The following CRYL1 variants were observed in gnomAD, a reference collection of about 807,000 sequenced individuals.
CRYL1 encodes crystallin lambda 1, also known as lambda-crystallin homolog.
Under a neutral mutation model 36.6 loss-of-function variants are expected in CRYL1, and 29 were observed. The observed-to-expected ratio is 0.79, with a 90% CI of 0.59 to 1.08. The LOEUF is 1.08. CRYL1 is among the 50% of genes least tolerant of loss of function. CRYL1 has a pLI of 0.00. For synonymous variants in CRYL1, 152 were observed against 151.5 expected (o/e 1.00, Z -0.02); for missense variants, 411 against 407.9 (o/e 1.01, Z -0.06).
chr13:20,437,538 A>G (rs1409994023), intron 4 of CRYL1, among the ~76,000 whole-genome samples: 1 of 152,044 alleles, frequency 6.6e-6, no homozygotes, highest in Admixed American at 6.5e-5. Flanking sequence ...CGATCTCCTG[A>G]CCTCCTAATC....
In CRYL1 at chr13:20,505,794, T is replaced by C. The variant is rs566922548; in HGVS notation, c.149+6649A>G. On this transcript the variant is annotated intron_variant, in intron 2 of 7. Transcript: ENST00000298248. ...TGGAAAGATACATCATTTATACTTCTTGACAAAAGGATTAAGTTGGTTTTC... is the reference window on the plus strand; with the variant it reads ...TGGAAAGATACATCATTTATACTTCCTGACAAAAGGATTAAGTTGGTTTTC... 1.4e-4 allele frequency among the ~76,000 whole-genome samples: 21 copies of C among 152,362 alleles called. No homozygotes were observed. In the South Asian group the frequency reaches 4.1e-3, roughly 30 times the overall value.
At chr13:20,418,950 G>C (rs184994524) in intron 5 of CRYL1, 2 of 152,184 alleles carry the variant, frequency 1.3e-5, no homozygotes, top group African/African-American at 4.8e-5. Flanking sequence ...ATAAAGAAAC[G>C]CAACAGCGAG....
In CRYL1 at chr13:20,439,617, CA is replaced by C; in HGVS notation, c.413del (p.Val138GlyfsTer10). 6.2e-7 allele frequency: 1 copy of C among 1,607,456 alleles called. No homozygotes were observed. Among genetic ancestry groups the C allele is most frequent in the Non-Finnish European group, 8.5e-7 (1 of 1,176,406 alleles). On this transcript the variant is annotated frameshift_variant, in exon 4 of 8. Coordinates refer to ENST00000298248, the MANE Select transcript of CRYL1 (RefSeq NM_015974.3). LOFTEE classifies it high-confidence loss of function. Reference sequence around the variant, plus strand: ...CAGGATGAGCCACGATGCATTGCTTCACATGGACCAAGCCAGCAAACAACTT... The same window carrying C: ...CAGGATGAGCCACGATGCATTGCTTCCATGGACCAAGCCAGCAAACAACTT... Reference protein sequence around the residue: ...PSKLFAGLVHVKQCIVAHPVN... With the variant: ...PSKLFAGLVHXKQCIVAHPVN...
intron 1 of CRYL1, among the ~76,000 whole-genome samples, chr13:20,522,786 A>G (rs1247899430): frequency 6.6e-6 from 1 of 152,164 alleles, no homozygotes; most frequent in Non-Finnish European, 1.5e-5. Context: ...TGCAGTGTGT[A>G]TACAAATACA....
Position 20,525,407 on chromosome 13 carries a change from C to T in CRYL1, c.41+347G>A, listed in dbSNP as rs2034172678. Among the ~76,000 whole-genome samples the T allele has an allele frequency of 6.6e-6, 1 of 152,232 alleles. No individual in the cohort carries two copies. The highest frequency in any genetic ancestry group is 6.5e-5 in the Admixed American group (1 of 15,286). On this transcript the variant is annotated intron_variant, in intron 1 of 7. Coordinates refer to ENST00000298248, the MANE Select transcript of CRYL1 (RefSeq NM_015974.3). The surrounding 1 kb of genome is among the most constrained non-coding windows in gnomAD (Gnocchi z 4.3). ...AGAATTCGTTTCATTCAACACGGTGCCTGGCACTTCTATGTGGACCTGCGG... is the reference window on the plus strand; with the variant it reads ...AGAATTCGTTTCATTCAACACGGTGTCTGGCACTTCTATGTGGACCTGCGG...
At chr13:20,479,539 A>G (rs1051850839) in intron 3 of CRYL1, among the ~76,000 whole-genome samples, 10 of 152,238 alleles carry the variant, frequency 6.6e-5, no homozygotes, top group Non-Finnish European at 1.5e-4. Context: ...CTTAGTTGAT[A>G]CATCCACTTG....
intron 3 of CRYL1, among the ~76,000 whole-genome samples, chr13:20,488,606 G>A (rs941297389): frequency 5.3e-5 from 8 of 152,364 alleles, no homozygotes; most frequent in South Asian, 4.1e-4. Flanking sequence ...TATCAACAGA[G>A]TAACGACGTG....
At chr13:20,474,745 C>T (rs2033130021) in intron 3 of CRYL1, among the ~76,000 whole-genome samples, 1 of 152,162 alleles carries the variant, frequency 6.6e-6, no homozygotes, top group Non-Finnish European at 1.5e-5. Context: ...TTCCTCTCCC[C>T]TCCCAGGGCC....
At chr13:20,522,911 C>CCTTT (rs2034122051) in intron 1 of CRYL1, among the ~76,000 whole-genome samples, 1 of 82,956 alleles carries the variant, frequency 1.2e-5, no homozygotes, top group Non-Finnish European at 2.1e-5. Context: ...CCCATTTCTA[C>CCTTT]TTTTTTTTTT....
In CRYL1 at chr13:20,432,255, G is replaced by A; in HGVS notation, c.480C>T (p.Pro160=). 6.2e-7 allele frequency: 1 copy of A among 1,613,528 alleles called. No homozygotes were observed. The highest frequency in any genetic ancestry group is 8.5e-7 in the Non-Finnish European group (1 of 1,179,790). ...PYYIPLVELV[P]HPETAPTTVD... is the part of the protein sequence containing the mutation. ...CTGTCGTAGGGGCCGTCTCCGGGTGGGGGACCAGCTCAACCAGCGGGATGT... is the reference window on the plus strand; with the variant it reads ...CTGTCGTAGGGGCCGTCTCCGGGTGAGGGACCAGCTCAACCAGCGGGATGT... Residue 160 remains proline (P), a synonymous_variant, in exon 5 of 8, where the codon CCC becomes CCT. Transcript: ENST00000298248.
intron 4 of CRYL1, among the ~76,000 whole-genome samples, chr13:20,437,551 C>T (rs899962502): frequency 6.6e-6 from 1 of 152,136 alleles, no homozygotes; most frequent in African/African-American, 2.4e-5. Context: ...TCCTAATCCA[C>T]CCACCTCGGC....
intron 3 of CRYL1, chr13:20,476,786 G>A (rs897489660): frequency 6.6e-6 from 1 of 152,420 alleles, no homozygotes; most frequent in African/African-American, 2.4e-5. Flanking sequence ...CACTTTGGGA[G>A]GCCAAGCTGG....
intron 2 of CRYL1, among the ~76,000 whole-genome samples, chr13:20,507,731 A>C (rs1405185790): frequency 6.6e-6 from 1 of 152,004 alleles, no homozygotes; most frequent in Non-Finnish European, 1.5e-5. Context: ...ATCCTGGCTA[A>C]CACAGTGAAA....
intron 3 of CRYL1, among the ~76,000 whole-genome samples, chr13:20,475,928 T>G (rs1012296460): frequency 6.6e-6 from 1 of 152,100 alleles, no homozygotes; most frequent in East Asian, 1.9e-4. Context: ...GCTGTGTAAG[T>G]GTACTCAGTC....
chr13:20,510,485 G>A (rs149591359), intron 2 of CRYL1, among the ~76,000 whole-genome samples: 2,644 of 152,290 alleles, frequency 0.017, 30 homozygotes, highest in Non-Finnish European at 0.028. Flanking sequence ...GCCAGCGGTT[G>A]GGGGGAAGGG....
At chr13:20,479,838 T>TG (rs2033240599) in intron 3 of CRYL1, among the ~76,000 whole-genome samples, 1 of 152,196 alleles carries the variant, frequency 6.6e-6, no homozygotes, top group Non-Finnish European at 1.5e-5. Flanking sequence ...GGCCCAGCCC[T>TG]GGGGACAGAG....
intron 3 of CRYL1, among the ~76,000 whole-genome samples, chr13:20,454,937 T>G (rs999671830): frequency 8.5e-5 from 13 of 152,140 alleles, no homozygotes; most frequent in Non-Finnish European, 1.8e-4. Flanking sequence ...CACATCATAT[T>G]GATGTCCTAG....
rs1402001774 is a variant in CRYL1 at position 20,432,163 on chromosome 13, G to T, written c.572C>A (p.Ala191Asp). Residue 191 changes from alanine to aspartate, a missense_variant, in exon 5 of 8, where the codon GCC becomes GAC. By Grantham distance (126) the Ala-to-Asp change is moderately radical. Coordinates refer to ENST00000298248, the MANE Select transcript of CRYL1 (RefSeq NM_015974.3). ...QCPMRVQKEV[A>D]GFVLNRLQYA... ...TTGCAGGCGGTTCAGAACGAAGCCG[G>T]CCACCTCCTTCTGGACTCGCATGGG... 12 of 1,614,156 alleles carry T rather than the reference G, an allele frequency of 7.4e-6. No individual in the cohort carries two copies. The highest frequency in any genetic ancestry group is 1.0e-5 in the Non-Finnish European group (12 of 1,180,026).
intron 5 of CRYL1, among the ~76,000 whole-genome samples, chr13:20,420,629 T>C (rs1182589638): frequency 1.3e-5 from 2 of 149,658 alleles, no homozygotes; most frequent in African/African-American, 2.5e-5. Flanking sequence ...CAAAGGAAAA[T>C]GAAAGCAATT....
Sources: allele counts gnomAD v4.1 joint callset (sites outside exome capture counted in the v4.1 genomes callset), GRCh38; gene constraint gnomAD v4.1.1; non-coding constraint Gnocchi (gnomAD v3.1); transcripts MANE v1.5; gene names NCBI Gene and HGNC (gene_info 2026-07-23, HGNC 2026-07-21).